The following MAPK10 variants were observed in gnomAD, a reference collection of about 807,000 sequenced individuals.
MAPK10 encodes mitogen-activated protein kinase 10.
In MAPK10, 25 loss-of-function variants were observed where a neutral mutation model predicts 59.3. That is an observed-to-expected ratio of 0.42 (90% confidence interval 0.31 to 0.59). The LOEUF (loss-of-function observed/expected upper bound fraction) is 0.59, where lower values mean the gene tolerates loss of function less well. Among genes scored for constraint, MAPK10 ranks in the 20% least tolerant of loss-of-function variants. The pLI, the probability that MAPK10 is intolerant of heterozygous loss-of-function variation, is 0.15. For missense variants in MAPK10, 351 were observed against 568.9 expected (o/e 0.62, Z 3.90); for synonymous variants, 190 against 200.5 (o/e 0.95, Z 0.44).
intron 1 of MAPK10, among the ~76,000 whole-genome samples, chr4:86,479,546 C>G (rs1214091037): frequency 6.6e-6 from 1 of 151,860 alleles, no homozygotes; most frequent in Admixed American, 6.6e-5. Context: ...TTCTCAACTA[C>G]TCATAAATGC....
In MAPK10 at chr4:86,427,636, C is replaced by T. The variant is rs1310077500; in HGVS notation, c.-122+25394G>A. ...GGAAGAGGATTAAAATGTTTCATTT[C>T]AAGACATGACAGATTACATAGCATT... On this transcript the variant is annotated intron_variant, in intron 1 of 13. Coordinates refer to the MAPK10 transcript ENST00000361569. Among the ~76,000 whole-genome samples the T allele has an allele frequency of 3.3e-5, 5 of 152,196 alleles. No homozygotes were observed. In the East Asian group the frequency reaches 9.6e-4, roughly 29 times the overall value.
intron 1 of MAPK10, among the ~76,000 whole-genome samples, chr4:86,492,119 C>T (rs1202317033): frequency 6.6e-6 from 1 of 152,080 alleles, no homozygotes; most frequent in African/African-American, 2.4e-5. Flanking sequence ...TAAATTTGTT[C>T]TCAAAATTGG....
chr4:86,534,812 A>G (rs1256124724), intron 1 of MAPK10, among the ~76,000 whole-genome samples: 2 of 152,156 alleles, frequency 1.3e-5, no homozygotes, highest in African/African-American at 4.8e-5. Context: ...AGGCTGAGAC[A>G]GGAGAATTGC....
rs565808093 is a variant in MAPK10 at position 86,110,371 on chromosome 4, C to T, written c.237-3019G>A. On this transcript the variant is annotated intron_variant, in intron 4 of 13. Transcript: ENST00000641462. The stretch of plus-strand genomic sequence containing the variant: ...TTTATAGTTTTGGGTTTTACATTTA[C>T]TTCTTTAATCCATCTTGAGTTAATT... Among the ~76,000 whole-genome samples the T allele has an allele frequency of 2.0e-5, 3 of 152,020 alleles. No individual in the cohort carries two copies. The East Asian group carries it at 5.8e-4, about 29-fold the overall frequency.
At chr4:86,448,367 T>G (rs1750294412) in intron 1 of MAPK10, among the ~76,000 whole-genome samples, 1 of 151,614 alleles carries the variant, frequency 6.6e-6, no homozygotes, top group African/African-American at 2.4e-5. Context: ...ATATGAATCT[T>G]AGAGTCAACT....
chr4:86,059,069 G>A (rs1404720667), intron 11 of MAPK10, among the ~76,000 whole-genome samples: 1 of 152,028 alleles, frequency 6.6e-6, no homozygotes, highest in Non-Finnish European at 1.5e-5. Flanking sequence ...TAGATTTTAG[G>A]CATAATAGGC....
chr4:86,293,878 C>T (rs1171181404), intron 2 of MAPK10, among the ~76,000 whole-genome samples: 1 of 152,128 alleles, frequency 6.6e-6, no homozygotes, highest in African/African-American at 2.4e-5. Flanking sequence ...ATCTAAACAC[C>T]TCCCACCAGG....
intron 13 of MAPK10, chr4:86,020,592 TA>T (rs1290030110): frequency 1.2e-5 from 2 of 161,416 alleles, no homozygotes; most frequent in Non-Finnish European, 2.7e-5. Flanking sequence ...TTACAGCTCT[TA>T]AGGTGGCGCG....
intron 1 of MAPK10, among the ~76,000 whole-genome samples, chr4:86,359,288 C>CTCTCTCTCTCTGTGTGTGTG (rs796310826): frequency 1.1e-5 from 1 of 94,604 alleles, no homozygotes; most frequent in African/African-American, 5.3e-5. Flanking sequence ...CTCTCTCTCT[C>CTCTCTCTCTCTGTGTGTGTG]TGTGTGTGTG....
chr4:86,408,534 T>G (rs929719391), intron 1 of MAPK10, among the ~76,000 whole-genome samples: 1 of 152,064 alleles, frequency 6.6e-6, no homozygotes, highest in Non-Finnish European at 1.5e-5. Context: ...AAAAGTGTTC[T>G]TATTTCTCCA....
chr4:86,544,786 C>T (rs1759009945), intron 1 of MAPK10, among the ~76,000 whole-genome samples: 1 of 152,152 alleles, frequency 6.6e-6, no homozygotes, highest in African/African-American at 2.4e-5. Context: ...CAGATTGCTT[C>T]CTGTGGTGAA....
chr4:86,449,159 A>G (rs952943610), intron 1 of MAPK10, among the ~76,000 whole-genome samples: 5 of 150,408 alleles, frequency 3.3e-5, no homozygotes, highest in African/African-American at 1.2e-4. Context: ...CTGTGGCCCC[A>G]GGGGTTGGGG....
At chr4:86,256,443 T>G (rs190359919) in intron 2 of MAPK10, among the ~76,000 whole-genome samples, 1 of 152,210 alleles carries the variant, frequency 6.6e-6, no homozygotes, top group East Asian at 1.9e-4. Flanking sequence ...TGACCAAAAT[T>G]ACCAACATTC....
intron 4 of MAPK10, chr4:86,124,379 T>G (rs1431546572): frequency 6.6e-6 from 1 of 151,984 alleles, no homozygotes; most frequent in Non-Finnish European, 1.5e-5. Context: ...ATGAAAATAC[T>G]TTAACATAGC....
At chr4:86,534,176 A>G (rs753991619) in intron 1 of MAPK10, among the ~76,000 whole-genome samples, 7 of 152,178 alleles carry the variant, frequency 4.6e-5, no homozygotes, top group Admixed American at 2.6e-4. Context: ...TCTTTGCAGT[A>G]TCTTTGACTA....
chr4:86,529,687 G>C (rs1757723625), intron 1 of MAPK10, among the ~76,000 whole-genome samples: 2 of 152,056 alleles, frequency 1.3e-5, no homozygotes, highest in Admixed American at 6.6e-5. Flanking sequence ...ACCTCCCCTG[G>C]GAGATGGGAA....
chr4:86,076,472 C>T (rs2049495752), intron 9 of MAPK10, among the ~76,000 whole-genome samples: 9 of 152,146 alleles, frequency 5.9e-5, no homozygotes, highest in Admixed American at 5.9e-4. Flanking sequence ...GACTGGAACT[C>T]CTATCTCCTG....
At chr4:86,573,797 C>T (rs1310520709) in intron 1 of MAPK10, among the ~76,000 whole-genome samples, 1 of 152,134 alleles carries the variant, frequency 6.6e-6, no homozygotes, top group African/African-American at 2.4e-5. Flanking sequence ...AAATTTTCCA[C>T]ATTTTCTTAG....
At chr4:86,262,878 C>T (rs1224525787) in intron 2 of MAPK10, among the ~76,000 whole-genome samples, 1 of 152,164 alleles carries the variant, frequency 6.6e-6, no homozygotes, top group South Asian at 2.1e-4. Context: ...CTCCAGTCTA[C>T]TCTGTGTCCA....
Sources: gnomAD v4.1 joint callset for allele counts (sites outside exome capture counted in the v4.1 genomes callset) on GRCh38, gnomAD v4.1.1 for gene constraint, MANE v1.5 for transcripts, NCBI Gene and HGNC (gene_info 2026-07-23, HGNC 2026-07-21) for gene names.